MRTFB: variants seen among roughly 807,000 people sequenced by gnomAD.
MRTFB encodes myocardin-related transcription factor B.
MRTFB carries 29 observed loss-of-function variants against 104.2 expected under a neutral mutation model. The observed-to-expected ratio is 0.28, with a 90% CI of 0.21 to 0.38. The LOEUF is 0.38. Ranked by LOEUF, MRTFB falls within the 10% of genes least tolerant of loss-of-function variation. MRTFB has a pLI of 1.00. For synonymous variants in MRTFB, 535 were observed against 519.5 expected (o/e 1.03, Z -0.41); for missense variants, 1,270 against 1,341.6 (o/e 0.95, Z 0.83).
At chr16:14,197,666 A>G (rs2040500325) in intron 3 of MRTFB, among the ~76,000 whole-genome samples, 1 of 152,234 alleles carries the variant, frequency 6.6e-6, no homozygotes, top group Non-Finnish European at 1.5e-5. Context: ...ATATATGGTA[A>G]GCATTGTGGA....
chr16:14,095,070 G>GA (rs1369826820), intron 2 of MRTFB, among the ~76,000 whole-genome samples: 1 of 152,198 alleles, frequency 6.6e-6, no homozygotes, highest in Non-Finnish European at 1.5e-5. Flanking sequence ...TTACCAAAGA[G>GA]AACTTGCCTG....
At chr16:14,088,079 A>G (rs1189545385) in intron 2 of MRTFB, among the ~76,000 whole-genome samples, 2 of 152,180 alleles carry the variant, frequency 1.3e-5, no homozygotes, top group African/African-American at 4.8e-5. Context: ...TAATTTATGT[A>G]ATACGAAATC....
chr16:14,195,682 T>TTAAGAAAATTTGTATATA (rs2040401598), intron 3 of MRTFB: 1 of 468,822 alleles, frequency 2.1e-6, no homozygotes, highest in African/African-American at 2.1e-5. Flanking sequence ...TTAAGAAACA[T>TTAAGAAAATTTGTATATA]GAGAACATTC....
At chr16:14,103,895 T>C (rs1456464373) in intron 2 of MRTFB, among the ~76,000 whole-genome samples, 1 of 152,206 alleles carries the variant, frequency 6.6e-6, no homozygotes, top group East Asian at 1.9e-4. Flanking sequence ...GAATTTAAGC[T>C]CTCTGCAGTC....
chr16:14,229,923 G>C (rs1445768624), intron 8 of MRTFB, among the ~76,000 whole-genome samples: 1 of 151,970 alleles, frequency 6.6e-6, no homozygotes, highest in Non-Finnish European at 1.5e-5. Flanking sequence ...TGTTTCTTTG[G>C]GGAAACAATT....
intron 15 of MRTFB, among the ~76,000 whole-genome samples, chr16:14,257,181 T>C (rs1293046935): frequency 2.0e-5 from 3 of 152,060 alleles, no homozygotes; most frequent in African/African-American, 7.2e-5. Flanking sequence ...TGGAAAACAG[T>C]TTGGCCATTT....
At chr16:14,239,059 G>GT (rs2042649808) in intron 9 of MRTFB, among the ~76,000 whole-genome samples, 1 of 150,830 alleles carries the variant, frequency 6.6e-6, no homozygotes, top group African/African-American at 2.5e-5. Flanking sequence ...GTTCTCATGA[G>GT]TAAGAGCTGG....
the MRTFB span, among the ~76,000 whole-genome samples, chr16:14,039,760 C>CTTTTTTTTTTT: frequency 7.4e-5 from 9 of 121,932 alleles, no homozygotes; most frequent in South Asian, 5.2e-4. Flanking sequence ...ATAATATGTT[C>CTTTTTTTTTTT]TTTTTTTTTT....
the MRTFB span, among the ~76,000 whole-genome samples, chr16:14,050,023 A>G: frequency 6.6e-6 from 1 of 152,108 alleles, no homozygotes; most frequent in East Asian, 1.9e-4. Flanking sequence ...GTGAGCCACC[A>G]CGCCTGGCCA....
rs2043039041 is a variant in MRTFB, at chr16:14,246,885, C to T, written c.1625C>T (p.Ser542Phe). 3 of 1,613,562 alleles carry T rather than the reference C, an allele frequency of 1.9e-6. No individual in the cohort carries two copies. Among genetic ancestry groups the T allele is most frequent in the Non-Finnish European group, 2.5e-6 (3 of 1,180,042 alleles). Residue 542 changes from serine (S) to phenylalanine (F), a missense_variant, in exon 12 of 17, where the codon TCT becomes TTT. Coordinates refer to ENST00000571589, the MANE Select transcript of MRTFB (RefSeq NM_001308142.2). Reference protein sequence around the residue: ...MMSPSQFLSSSPLRMTNNEDS... With the variant: ...MMSPSQFLSSFPLRMTNNEDS... The stretch of plus-strand genomic sequence containing the variant: ...TCGCCTTCACAGTTCTTGAGTTCAT[C>T]TCCTTTGAGAATGACAAATAATGAA...
upstream of MRTFB, among the ~76,000 whole-genome samples, chr16:14,067,235 T>G (rs894899272): frequency 6.6e-6 from 1 of 151,456 alleles, no homozygotes; most frequent in African/African-American, 2.4e-5. Flanking sequence ...TTTTTTTTTT[T>G]TTTTGAGACA....
At chr16:14,072,378 A>G (rs910810988) in intron 1 of MRTFB, among the ~76,000 whole-genome samples, 5 of 152,210 alleles carry the variant, frequency 3.3e-5, no homozygotes, top group Admixed American at 6.5e-5. Context: ...CACATCTAGG[A>G]CATACTCTTG....
intron 2 of MRTFB, among the ~76,000 whole-genome samples, chr16:14,079,854 A>G (rs868001865): frequency 7.9e-5 from 12 of 152,294 alleles, no homozygotes; most frequent in Middle Eastern, 3.4e-3. Context: ...ACTGCTATTA[A>G]TATTTTGGTG....
chr16:14,098,418 T>A (rs2035515578), intron 2 of MRTFB, among the ~76,000 whole-genome samples: 1 of 152,186 alleles, frequency 6.6e-6, no homozygotes, highest in Admixed American at 6.5e-5. Flanking sequence ...TTGTTTGTTT[T>A]CTTATTATTA....
At chr16:14,043,126 AAATGGGATATGC>A in the MRTFB span, among the ~76,000 whole-genome samples, 1 of 152,134 alleles carries the variant, frequency 6.6e-6, no homozygotes, top group African/African-American at 2.4e-5. Flanking sequence ...TTTATTTTTA[AAATGGGATATGC>A]AATGGGTGTT....
intron 3 of MRTFB, among the ~76,000 whole-genome samples, chr16:14,208,375 T>A (rs1392637707): frequency 1.3e-5 from 2 of 152,212 alleles, no homozygotes; most frequent in African/African-American, 2.4e-5. Flanking sequence ...GTCTGATAGA[T>A]TTGTCTCACA....
intron 13 of MRTFB, 66 bp from the exon 14 acceptor site, chr16:14,251,796 G>T (rs2151432242): frequency 6.4e-7 from 1 of 1,566,258 alleles, no homozygotes. Flanking sequence ...CCTAAAACAT[G>T]GTTTTCTTTA....
chr16:14,199,224 C>T (rs1324841969), intron 3 of MRTFB, among the ~76,000 whole-genome samples: 3 of 152,214 alleles, frequency 2.0e-5, no homozygotes, highest in African/African-American at 4.8e-5. Context: ...TGGTTCCCTC[C>T]GCCTTTTTAG....
At chr16:14,174,365 G>T (rs1321970766) in intron 3 of MRTFB, among the ~76,000 whole-genome samples, 1 of 152,074 alleles carries the variant, frequency 6.6e-6, no homozygotes, top group Non-Finnish European at 1.5e-5. Context: ...GCTTCATTTT[G>T]ATTATATAGC....
Sources: allele counts gnomAD v4.1 joint callset (sites outside exome capture counted in the v4.1 genomes callset), GRCh38; gene constraint gnomAD v4.1.1; transcripts MANE v1.5; gene names NCBI Gene and HGNC (gene_info 2026-07-23, HGNC 2026-07-21).